Variants in COBLL1 observed in about 807,000 individuals in gnomAD.
COBLL1 encodes cordon-bleu protein-like 1.
In COBLL1, 50 loss-of-function variants were observed where a neutral mutation model predicts 94.8. The observed-to-expected ratio is 0.53, with a 90% CI of 0.42 to 0.67. The LOEUF is 0.67. Ranked by LOEUF, COBLL1 falls within the 30% of genes least tolerant of loss-of-function variation. The pLI, the probability that COBLL1 is intolerant of heterozygous loss-of-function variation, is 0.00. For missense variants in COBLL1, 1,362 were observed against 1,348.7 expected (o/e 1.01, Z -0.15); for synonymous variants, 448 against 473.8 (o/e 0.95, Z 0.71).
chr2:164,777,745 G>C (rs1473233443), intron 2 of COBLL1, among the ~76,000 whole-genome samples: 1 of 152,104 alleles, frequency 6.6e-6, no homozygotes, highest in Non-Finnish European at 1.5e-5. Context: ...AAATGAAATG[G>C]ATCAAGTGTA....
Position 164,704,490 on chromosome 2 carries a change from T to C in COBLL1, c.1179A>G (p.Pro393=). The C allele has an allele frequency of 6.2e-7, 1 of 1,613,716 alleles. No homozygotes were observed. The change falls in exon 9 of 14, where the codon CCA becomes CCG. Residue 393 remains proline (P), a synonymous_variant. Transcript: ENST00000652658. The stretch of plus-strand genomic sequence containing the variant: ...GAGAGTTTGCTTCTGAAGCACTGTC[T>C]GGAGGAACTCCATCTACTGGCTGTA... The part of the protein sequence containing the change: ...TALQPVDGVP[P]DSASEANSPE...
At chr2:164,837,439 G>T in intron 2 of COBLL1, 1 of 457,970 alleles carries the variant, frequency 2.2e-6, no homozygotes, top group Non-Finnish European at 4.5e-6. Context: ...TTTGACTATC[G>T]CTCTCTTCTC....
At chr2:164,840,512 G>A (rs1282113635) in intron 2 of COBLL1, among the ~76,000 whole-genome samples, 1 of 151,496 alleles carries the variant, frequency 6.6e-6, no homozygotes, top group Non-Finnish European at 1.5e-5. Flanking sequence ...AACTCACCAT[G>A]TGACAGCCCC....
rs535249133 is a variant in COBLL1, at chr2:164,722,210, C to T, written c.861G>A (p.Ser287=). Residue 287 remains serine (S), a synonymous_variant, in exon 7 of 14, where the codon TCG becomes TCA. Transcript: ENST00000652658. ...GAGCCCGCCTCTTCTTGGGTGCATC[C>T]GACGGCAGGGTGTTGGAAATATATG... ...SKPYISNTLP[S]DAPKKRRAPL... The T allele has an allele frequency of 3.6e-5, 58 of 1,613,952 alleles. No homozygotes were observed. Among genetic ancestry groups the T allele is most frequent in the South Asian group, 1.5e-4 (14 of 91,064 alleles).
intron 5 of COBLL1, chr2:164,727,139 A>G: frequency 6.6e-7 from 1 of 1,505,016 alleles, no homozygotes; most frequent in Non-Finnish European, 9.0e-7. Flanking sequence ...ACAGTAACAG[A>G]AGTGGCTACA....
At chr2:164,758,037 G>A (rs1207526429) in intron 2 of COBLL1, among the ~76,000 whole-genome samples, 1 of 151,960 alleles carries the variant, frequency 6.6e-6, no homozygotes, top group East Asian at 1.9e-4. Context: ...TATCAAAGGA[G>A]GAGATATAAA....
chr2:164,824,328 C>T (rs937347190), intron 2 of COBLL1, among the ~76,000 whole-genome samples: 4 of 150,228 alleles, frequency 2.7e-5, no homozygotes, highest in Non-Finnish European at 4.4e-5. Flanking sequence ...TTGCAGTAAG[C>T]GGAGATCTCA....
chr2:164,798,642 A>T (rs1574608671), intron 2 of COBLL1, among the ~76,000 whole-genome samples: 2 of 152,218 alleles, frequency 1.3e-5, no homozygotes, highest in East Asian at 3.8e-4. Flanking sequence ...CTATCTGCTA[A>T]CAAAACATAT....
chr2:164,701,052 C>T (rs985172386), intron 9 of COBLL1, among the ~76,000 whole-genome samples: 1 of 152,100 alleles, frequency 6.6e-6, no homozygotes, highest in Non-Finnish European at 1.5e-5. Flanking sequence ...TAAGAAATGT[C>T]TTACAATTGA....
rs879678825 is a variant in COBLL1, at chr2:164,671,724, A to AT, written n.127-5824dup. Reference sequence around the variant, plus strand: ...TCGGTTACTGAAGCACGTTATGAAGATTTTTTTTTTTTTTTCCAAGAGGCT... The same window carrying AT: ...TCGGTTACTGAAGCACGTTATGAAGATTTTTTTTTTTTTTTTCCAAGAGGCT... On this transcript the variant is annotated intron_variant and non_coding_transcript_variant, in intron 1 of 2. Coordinates refer to the COBLL1 transcript ENST00000495084. Among the ~76,000 whole-genome samples, 351 of 144,430 alleles carry AT rather than the reference A, an allele frequency of 2.4e-3. 1 individual carries two copies. Among genetic ancestry groups the AT allele is most frequent in the Middle Eastern group, 7.2e-3 (2 of 276 alleles). 94.8% of individuals were successfully genotyped at this position (144,430 alleles called of 152,430 possible).
intron 2 of COBLL1, among the ~76,000 whole-genome samples, chr2:164,662,631 C>T (rs1691089516): frequency 6.6e-6 from 1 of 152,234 alleles, no homozygotes; most frequent in East Asian, 1.9e-4. Context: ...ATGTTTGGAT[C>T]ATGGGAGTGG....
chr2:164,789,806 G>T (rs535930879), intron 2 of COBLL1, among the ~76,000 whole-genome samples: 1 of 152,280 alleles, frequency 6.6e-6, no homozygotes, highest in African/African-American at 2.4e-5. Context: ...TTTTGAAAAT[G>T]AAGTAATTGA....
At chr2:164,687,831 T>C (rs1683384760) in intron 13 of COBLL1, 1 of 330,212 alleles carries the variant, frequency 3.0e-6, no homozygotes, top group Non-Finnish European at 5.6e-6. Context: ...GTGTACAGGA[T>C]AATTATTTTG....
downstream of COBLL1, among the ~76,000 whole-genome samples, chr2:164,675,386 T>C (rs1257105011): frequency 1.3e-5 from 2 of 152,176 alleles, no homozygotes; most frequent in African/African-American, 4.8e-5. Context: ...TCAACACACT[T>C]GTCATTTTGG....
intron 2 of COBLL1, among the ~76,000 whole-genome samples, chr2:164,788,903 G>A (rs556583794): frequency 6.3e-4 from 95 of 151,910 alleles, no homozygotes; most frequent in Non-Finnish European, 1.0e-3. Context: ...AGTAGAAAAG[G>A]GTTAGTTGGA....
chr2:164,736,866 TA>T (rs1686337835), intron 3 of COBLL1, among the ~76,000 whole-genome samples: 1 of 152,200 alleles, frequency 6.6e-6, no homozygotes, highest in Non-Finnish European at 1.5e-5. Context: ...TGCCTAAGAA[TA>T]AAAGGCTAGA....
intron 3 of COBLL1, among the ~76,000 whole-genome samples, chr2:164,731,765 G>A (rs1441013161): frequency 6.6e-6 from 1 of 152,180 alleles, no homozygotes; most frequent in African/African-American, 2.4e-5. Flanking sequence ...CCTGGTTACT[G>A]GCTTTTGGGA....
intron 2 of COBLL1, among the ~76,000 whole-genome samples, chr2:164,831,439 G>A (rs1278406618): frequency 6.6e-6 from 1 of 150,870 alleles, no homozygotes; most frequent in Admixed American, 6.6e-5. Flanking sequence ...AAGTTATCTA[G>A]TAGAATAAAT....
At chr2:164,664,661 A>T (rs1574384568) in intron 2 of COBLL1, among the ~76,000 whole-genome samples, 1 of 152,242 alleles carries the variant, frequency 6.6e-6, no homozygotes, top group East Asian at 1.9e-4. Context: ...AAAACTTTTA[A>T]TAACAGGTGA....
Sources: allele counts gnomAD v4.1 joint callset (sites outside exome capture counted in the v4.1 genomes callset), GRCh38; gene constraint gnomAD v4.1.1; transcripts MANE v1.5; gene names NCBI Gene and HGNC (gene_info 2026-07-23, HGNC 2026-07-21).